PDGFC: variants seen among roughly 807,000 people sequenced by gnomAD.
The protein encoded by PDGFC is platelet-derived growth factor C.
PDGFC carries 12 observed loss-of-function variants against 35.5 expected under a neutral mutation model. The observed-to-expected ratio is 0.34, with a 90% CI of 0.22 to 0.55. The LOEUF (loss-of-function observed/expected upper bound fraction) is 0.55. Ranked by LOEUF, PDGFC falls within the 20% of genes least tolerant of loss-of-function variation. The pLI, the probability that PDGFC is intolerant of heterozygous loss-of-function variation, is 0.91. For synonymous variants in PDGFC, 159 were observed against 148.8 expected, an observed-to-expected ratio of 1.07 and a Z score of -0.50; for missense variants, 322 against 412.4, an observed-to-expected ratio of 0.78 and a Z score of 1.90.
At chr4:156,941,977 A>G (rs1404400291) in intron 1 of PDGFC, among the ~76,000 whole-genome samples, 1 of 152,172 alleles carries the variant, frequency 6.6e-6, no homozygotes, top group Non-Finnish European at 1.5e-5. Context: ...ATGATCTATT[A>G]GTGAATAAAG....
intron 2 of PDGFC, among the ~76,000 whole-genome samples, chr4:156,812,315 C>T (rs1731956147): frequency 6.6e-6 from 1 of 152,018 alleles, no homozygotes; most frequent in African/African-American, 2.4e-5. Flanking sequence ...GTAATTGTTA[C>T]TGTTCATTTA....
In PDGFC at chr4:156,879,550, G is replaced by C. The variant is rs542829369; in HGVS notation, c.119-29134C>G. Among the ~76,000 whole-genome samples the C allele has an allele frequency of 1.9e-4, 29 of 152,194 alleles. 1 individual carries two copies. In the South Asian group the frequency reaches 5.8e-3, roughly 30 times the overall value. On this transcript the variant is annotated intron_variant, in intron 1 of 5. Transcript: ENST00000502773. ...CAACTGGGTTTTACTAACAAGCACA[G>C]GACATTAATAATAAAGAATAAAGCT...
At chr4:156,952,356 A>C (rs1732104277) in intron 1 of PDGFC, among the ~76,000 whole-genome samples, 1 of 151,942 alleles carries the variant, frequency 6.6e-6, no homozygotes, top group African/African-American at 2.4e-5. Flanking sequence ...TGTTGTTATT[A>C]AACCGCTGGG....
chr4:156,779,240 T>G, intron 3 of PDGFC: 1 of 447,582 alleles, frequency 2.2e-6, no homozygotes, highest in South Asian at 1.6e-5. Flanking sequence ...CCGAATTCAT[T>G]CAAAAAGTTA....
intron 1 of PDGFC, among the ~76,000 whole-genome samples, chr4:156,862,003 G>A (rs571795200): frequency 6.6e-6 from 1 of 152,002 alleles, no homozygotes; most frequent in African/African-American, 2.4e-5. Context: ...TCCTCCCGAT[G>A]GTGAGTTAAA....
At chr4:156,897,415 A>C (rs1408556833) in intron 1 of PDGFC, among the ~76,000 whole-genome samples, 3 of 150,752 alleles carry the variant, frequency 2.0e-5, no homozygotes, top group African/African-American at 7.3e-5. Context: ...AACACACTTT[A>C]GGTTAACCAT....
At chr4:156,883,556 TTTGA>T (rs1395287784) in intron 1 of PDGFC, among the ~76,000 whole-genome samples, 17 of 152,214 alleles carry the variant, frequency 1.1e-4, no homozygotes, top group African/African-American at 3.1e-4. Flanking sequence ...GATTGATTGC[TTTGA>T]TTAATTACAC....
intron 1 of PDGFC, among the ~76,000 whole-genome samples, chr4:156,885,156 TACACACAC>T (rs36049782): frequency 7.9e-6 from 1 of 126,982 alleles, no homozygotes; most frequent in Non-Finnish European, 1.7e-5. Flanking sequence ...TGTGCATACA[TACACACAC>T]ACACACACAC....
intron 1 of PDGFC, among the ~76,000 whole-genome samples, chr4:156,952,623 A>G (rs1456718926): frequency 6.6e-6 from 1 of 151,860 alleles, no homozygotes; most frequent in Non-Finnish European, 1.5e-5. Context: ...ATTCTCCCCA[A>G]TGCCTAAGAT....
At chr4:156,795,996 A>G (rs1293423994) in intron 3 of PDGFC, among the ~76,000 whole-genome samples, 1 of 152,158 alleles carries the variant, frequency 6.6e-6, no homozygotes, top group African/African-American at 2.4e-5. Flanking sequence ...TTTATGTTTC[A>G]CACGTTTACT....
chr4:156,811,047 A>C (rs370781035), intron 2 of PDGFC, 30 bp from the exon 3 acceptor site: 1 of 1,440,776 alleles, frequency 6.9e-7, no homozygotes, highest in Non-Finnish European at 9.4e-7. Context: ...AAGAGACATC[A>C]TTTCATAATC....
intron 1 of PDGFC, among the ~76,000 whole-genome samples, chr4:156,900,647 C>A (rs946528880): frequency 1.3e-5 from 2 of 152,020 alleles, no homozygotes; most frequent in African/African-American, 4.8e-5. Context: ...TCAAAACCAG[C>A]AAGGGCAACA....
At chr4:156,832,733 TG>T (rs1206291094) in intron 2 of PDGFC, among the ~76,000 whole-genome samples, 1 of 152,158 alleles carries the variant, frequency 6.6e-6, no homozygotes, top group Non-Finnish European at 1.5e-5. Context: ...CAACCAAACT[TG>T]CAAAGTACAG....
rs149454630 is a variant in PDGFC at position 156,826,514 on chromosome 4, C to T, written c.315-15497G>A. Among the ~76,000 whole-genome samples the T allele has an allele frequency of 2.0e-5, 3 of 151,916 alleles. No individual in the cohort carries two copies. In the East Asian group the frequency reaches 5.8e-4, roughly 30 times the overall value. On this transcript the variant is annotated intron_variant, in intron 2 of 5. Coordinates refer to ENST00000502773, the MANE Select transcript of PDGFC (RefSeq NM_016205.3). Reference sequence around the variant, plus strand: ...ACCATGCCATTGTAATTTTTGGTGACTGTAAAGGAAATTATTTTCTGTTTA... The same window carrying T: ...ACCATGCCATTGTAATTTTTGGTGATTGTAAAGGAAATTATTTTCTGTTTA...
chr4:156,917,525 G>C (rs1291593142), intron 1 of PDGFC, among the ~76,000 whole-genome samples: 3 of 152,146 alleles, frequency 2.0e-5, no homozygotes, highest in African/African-American at 7.2e-5. Context: ...TCTTGTTAAA[G>C]AAAAATAATC....
rs151283314 is a variant in PDGFC, at chr4:156,904,894, C to T, written c.119-54478G>A. On this transcript the variant is annotated intron_variant, in intron 1 of 5. Transcript: ENST00000502773. ...CAGCAGAGAATTGATATGTTGTTTG[C>T]TGCTGAATTGCTGGCATATAATATT... Among the ~76,000 whole-genome samples the T allele has an allele frequency of 7.9e-5, 12 of 152,240 alleles. No homozygotes were observed. The South Asian group carries it at 1.0e-3, about 13-fold the overall frequency.
chr4:156,864,671 G>A (rs906821518), intron 1 of PDGFC, among the ~76,000 whole-genome samples: 4 of 152,072 alleles, frequency 2.6e-5, no homozygotes, highest in Admixed American at 2.0e-4. Context: ...TGGTACGGCA[G>A]TACAATATAG....
Position 156,970,024 on chromosome 4 carries a change from C to G in PDGFC, c.118+762G>C, listed in dbSNP as rs117009576. ...AGCTGCCCTGGCTTTATGAAAGGAG[C>G]CTTTCTCCAGCTCTGTGCAATCCCA... is the stretch of plus-strand genomic sequence containing the variant. On this transcript the variant is annotated intron_variant, in intron 1 of 5. Coordinates refer to ENST00000502773, the MANE Select transcript of PDGFC (RefSeq NM_016205.3). Among the ~76,000 whole-genome samples, 702 of 152,250 alleles carry G rather than the reference C, an allele frequency of 4.6e-3. 21 individuals carry two copies. In the East Asian group the frequency reaches 0.099, roughly 22 times the overall value.
chr4:156,844,534 G>A (rs1327070953), intron 2 of PDGFC, among the ~76,000 whole-genome samples: 1 of 151,928 alleles, frequency 6.6e-6, no homozygotes, highest in Non-Finnish European at 1.5e-5. Flanking sequence ...TGCTACTCAT[G>A]TTCCTTTCTA....
Sources: gnomAD v4.1 joint callset for allele counts (sites outside exome capture counted in the v4.1 genomes callset) on GRCh38, gnomAD v4.1.1 for gene constraint, MANE v1.5 for transcripts, NCBI Gene and HGNC (gene_info 2026-07-23, HGNC 2026-07-21) for gene names.